CCNJL: variants seen among roughly 807,000 people sequenced by gnomAD.
The protein encoded by CCNJL is cyclin-J-like protein.
A neutral mutation model predicts 33.4 loss-of-function variants in CCNJL; 33 were observed. That is an observed-to-expected ratio of 0.99 (90% CI 0.75 to 1.32). CCNJL has a LOEUF of 1.32. Ranked by LOEUF, CCNJL falls within the 40% of genes most tolerant of loss-of-function variation. The probability of loss-of-function intolerance (pLI) is 0.00; values close to 1 mark genes in which losing one functional copy is unlikely to be tolerated. For missense variants in CCNJL, 512 were observed against 499.7 expected (o/e 1.02, Z -0.23); for synonymous variants, 227 against 220.9 (o/e 1.03, Z -0.24).
intron 3 of CCNJL, among the ~76,000 whole-genome samples, chr5:160,279,523 G>C (rs1248559042): frequency 6.6e-6 from 1 of 152,184 alleles, no homozygotes; most frequent in Non-Finnish European, 1.5e-5. Flanking sequence ...TGCTATCCAT[G>C]GGGGGTGGTG....
At chr5:160,294,714 C>G (rs1762697142) in intron 2 of CCNJL, 1 of 152,450 alleles carries the variant, frequency 6.6e-6, no homozygotes, top group South Asian at 2.1e-4. Context: ...CCTACAGGAC[C>G]GCATCCCCCA....
In CCNJL at chr5:160,280,545, A is replaced by T; in HGVS notation, c.260T>A (p.Val87Asp). 1.2e-6 allele frequency: 2 copies of T among 1,612,914 alleles called. No individual in the cohort carries two copies. The highest frequency in any genetic ancestry group is 1.7e-6 in the Non-Finnish European group (2 of 1,179,988). Residue 87 changes from valine to aspartate, a missense_variant, in exon 3 of 6, where the codon GTC becomes GAC. Val to Asp is a radical substitution (Grantham distance 152). Coordinates refer to ENST00000257536, the MANE Select transcript of CCNJL (RefSeq NM_001308173.3). The part of the protein sequence containing the change: ...TTSKQLYTVA[V>D]SCLLLASKFE... Reference sequence around the variant, plus strand: ...CTTACTTGCAAGCAGGAGGCAGGAGACGGCCACGGTGTAGAGCTGCTTGGA... The same window carrying T: ...CTTACTTGCAAGCAGGAGGCAGGAGTCGGCCACGGTGTAGAGCTGCTTGGA...
chr5:160,268,646 T>C lies in CCNJL; in HGVS notation c.281-8875A>G, dbSNP rs1761706406. Among the ~76,000 whole-genome samples the C allele has an allele frequency of 2.0e-5, 3 of 152,182 alleles. No homozygotes were observed. The South Asian group carries it at 6.2e-4, about 32-fold the overall frequency. ...GTGGTGCTCAAGGAAGGGAGAAAGC[T>C]GAGAGGACCACAGGGGTTGGAGGCC... is the stretch of plus-strand genomic sequence containing the variant. On this transcript the variant is annotated intron_variant, in intron 3 of 5. Coordinates refer to ENST00000257536, the MANE Select transcript of CCNJL (RefSeq NM_001308173.3).
At chr5:160,278,051 G>T (rs187085681) in intron 3 of CCNJL, among the ~76,000 whole-genome samples, 4 of 152,302 alleles carry the variant, frequency 2.6e-5, no homozygotes, top group Admixed American at 2.0e-4. Context: ...GGGATTACAG[G>T]CATGCACCAC....
intron 1 of CCNJL, among the ~76,000 whole-genome samples, chr5:160,336,980 T>C (rs1213547556): frequency 1.4e-5 from 2 of 147,328 alleles, no homozygotes; most frequent in African/African-American, 2.5e-5. Context: ...CTCCCTCCCT[T>C]CCTTCCTTCT....
intron 1 of CCNJL, among the ~76,000 whole-genome samples, chr5:160,331,956 G>A (rs1247716133): frequency 2.6e-5 from 4 of 152,096 alleles, no homozygotes; most frequent in African/African-American, 7.2e-5. Flanking sequence ...ATAATACTCT[G>A]GGGGTGGGCC....
At chr5:160,327,137 C>A (rs1273690820) in intron 1 of CCNJL, among the ~76,000 whole-genome samples, 15 of 151,380 alleles carry the variant, frequency 9.9e-5, no homozygotes, top group Admixed American at 4.6e-4. Flanking sequence ...AAAAAAAGCT[C>A]AAAGTCTAAA....
intron 2 of CCNJL, among the ~76,000 whole-genome samples, chr5:160,282,014 A>G (rs1363548046): frequency 2.6e-5 from 4 of 152,224 alleles, no homozygotes; most frequent in Non-Finnish European, 5.9e-5. Context: ...GGAAACTAAA[A>G]AGAAGTAAAA....
intron 2 of CCNJL, among the ~76,000 whole-genome samples, chr5:160,291,758 A>C (rs1419408647): frequency 6.6e-6 from 1 of 152,260 alleles, no homozygotes; most frequent in Non-Finnish European, 1.5e-5. Context: ...AAGAACGTCC[A>C]CATGGCCATG....
intron 5 of CCNJL, chr5:160,254,052 C>T: frequency 2.1e-6 from 1 of 469,918 alleles, no homozygotes; most frequent in Non-Finnish European, 3.7e-6. Context: ...CTGGCTGTCC[C>T]CACAGCCCCA....
chr5:160,291,036 TAAAAAAAAA>T (rs1177369719), intron 2 of CCNJL, among the ~76,000 whole-genome samples: 10 of 57,540 alleles, frequency 1.7e-4, no homozygotes, highest in African/African-American at 6.8e-4. Context: ...CGTCTTTACT[TAAAAAAAAA>T]AAAAAAAAAA....
rs529924030 is a variant in CCNJL, at chr5:160,262,619, T to C, written c.281-2848A>G. ...AATGGGCTGTGCTTCGAGCTGGTCA[T>C]GCACTTGCTCGTGGCAGGAACCTTC... On this transcript the variant is annotated intron_variant, in intron 3 of 5. Transcript: ENST00000257536. Among the ~76,000 whole-genome samples the C allele has an allele frequency of 5.9e-5, 9 of 152,384 alleles. No individual in the cohort carries two copies. The South Asian group carries it at 1.0e-3, about 18-fold the overall frequency.
At chr5:160,320,420 G>A (rs560300989) in intron 1 of CCNJL, among the ~76,000 whole-genome samples, 1 of 152,178 alleles carries the variant, frequency 6.6e-6, no homozygotes, top group African/African-American at 2.4e-5. Context: ...AACATAACGA[G>A]AAGATGACTT....
intron 3 of CCNJL, among the ~76,000 whole-genome samples, chr5:160,264,446 G>A (rs1561777488): frequency 6.6e-6 from 1 of 152,092 alleles, no homozygotes; most frequent in Admixed American, 6.6e-5. Context: ...ATTCGTGGCA[G>A]GTGAGGATGA....
At chr5:160,334,025 T>G (rs1429416425) in intron 1 of CCNJL, among the ~76,000 whole-genome samples, 1 of 152,188 alleles carries the variant, frequency 6.6e-6, no homozygotes, top group South Asian at 2.1e-4. Context: ...ACTTACTCTG[T>G]GGCCAAAACT....
chr5:160,282,030 G>A (rs1762231644), intron 2 of CCNJL, among the ~76,000 whole-genome samples: 1 of 152,182 alleles, frequency 6.6e-6, no homozygotes, highest in Admixed American at 6.5e-5. Flanking sequence ...TAAAATTGAA[G>A]GAAAACAGGA....
chr5:160,330,856 G>T (rs1161470118), intron 1 of CCNJL, among the ~76,000 whole-genome samples: 2 of 152,024 alleles, frequency 1.3e-5, no homozygotes, highest in African/African-American at 2.4e-5. Context: ...TAGAAATGGG[G>T]TTTCACCATG....
In CCNJL at chr5:160,269,541, C is replaced by T. The variant is rs116201523; in HGVS notation, c.281-9770G>A. The T allele has an allele frequency of 2.8e-3, 1,264 of 455,660 alleles. 8 individuals carry two copies. The highest frequency in any genetic ancestry group is 0.023 in the African/African-American group (1,142 of 50,150). The allele number at this position is 455,660 out of a possible 1,614,324, so 28.2% of individuals were successfully genotyped here. On this transcript the variant is annotated intron_variant, in intron 3 of 5. Transcript: ENST00000257536. ...CACTGGGGACCCTGATCCTTTGTTC[C>T]GACCTATGCGGGGAACAGGGAGAAG...
chr5:160,339,373 A>AAC (rs1554126008), intron 1 of CCNJL: 8,893 of 311,400 alleles, frequency 0.029, 43 homozygotes, highest in Non-Finnish European at 0.035. Context: ...AAAAAAAAAC[A>AAC]AAAAAAAACG....
Sources: gnomAD v4.1 joint callset for allele counts (sites outside exome capture counted in the v4.1 genomes callset) on GRCh38, gnomAD v4.1.1 for gene constraint, MANE v1.5 for transcripts, NCBI Gene and HGNC (gene_info 2026-07-23, HGNC 2026-07-21) for gene names.